CAMTA1: variants seen among roughly 807,000 people sequenced by gnomAD.
The protein encoded by CAMTA1 is calmodulin-binding transcription activator 1.
In CAMTA1, 27 loss-of-function variants were observed where a neutral mutation model predicts 170.9. The ratio of observed to expected loss-of-function variants is 0.16; its 90% CI spans 0.12 to 0.22. The LOEUF (loss-of-function observed/expected upper bound fraction) is 0.22. CAMTA1 is among the 10% of genes least tolerant of loss of function. The probability of loss-of-function intolerance (pLI) is 1.00; values close to 1 mark genes in which losing one functional copy is unlikely to be tolerated. For synonymous variants in CAMTA1, 833 were observed against 891.5 expected (o/e 0.93, Z 1.17); for missense variants, 1,619 against 2,217.2 (o/e 0.73, Z 5.42).
chr1:7,693,106 A>G (rs2096337023), intron 11 of CAMTA1: 2 of 152,386 alleles, frequency 1.3e-5, no homozygotes, highest in Admixed American at 1.3e-4. Flanking sequence ...TGATAAAGAC[A>G]TAGCCAAGAC....
intron 5 of CAMTA1, among the ~76,000 whole-genome samples, chr1:7,361,601 TCC>T (rs1472983140): frequency 1.3e-5 from 2 of 152,204 alleles, no homozygotes; most frequent in African/African-American, 4.8e-5. Context: ...GAGCAACTTT[TCC>T]ACAGTGTGAC....
chr1:7,425,993 A>G (rs953713704), intron 5 of CAMTA1, among the ~76,000 whole-genome samples: 3 of 152,076 alleles, frequency 2.0e-5, no homozygotes, highest in Non-Finnish European at 4.4e-5. Flanking sequence ...GTGCTGAGAA[A>G]AGAGGCTGCA....
At chr1:7,372,687 A>T (rs924454907) in intron 5 of CAMTA1, among the ~76,000 whole-genome samples, 11 of 152,216 alleles carry the variant, frequency 7.2e-5, no homozygotes, top group African/African-American at 2.7e-4. Context: ...CTTTGTGTGT[A>T]GGAGCTAATT....
rs558394916 is a variant in CAMTA1, at chr1:7,216,918, CATA to C, written c.303-32570_303-32568del. Among the ~76,000 whole-genome samples, 36 of 152,288 alleles carry C rather than the reference CATA, an allele frequency of 2.4e-4. No homozygotes were observed. In the South Asian group the frequency reaches 7.3e-3, roughly 31 times the overall value. ...TGTGATTTTTAGCATTAGAAGGTGT[CATA>C]ATGTTGTTTCTTAAATTATACTTAT... On this transcript the variant is annotated intron_variant, in intron 4 of 22. Transcript: ENST00000303635. This position sits in a 1 kb window ranked among gnomAD's most constrained non-coding sequence, Gnocchi z 4.0.
At chr1:7,737,663 A>G (rs920237181) in intron 15 of CAMTA1, 93 bp downstream of exon 15, 3 of 1,221,670 alleles carry the variant, frequency 2.5e-6, no homozygotes, top group African/African-American at 1.5e-5. Flanking sequence ...GGATAGTCAC[A>G]TACATTTCAG....
At chr1:6,811,937 G>A (rs539319622) in intron 1 of CAMTA1, among the ~76,000 whole-genome samples, 2 of 152,330 alleles carry the variant, frequency 1.3e-5, no homozygotes, top group Admixed American at 1.3e-4. Context: ...AGTAGTGATA[G>A]GTGATGGTGG....
chr1:7,466,183 A>T (rs1384505864), intron 5 of CAMTA1, among the ~76,000 whole-genome samples: 1 of 152,234 alleles, frequency 6.6e-6, no homozygotes, highest in South Asian at 2.1e-4. Context: ...TCCTTCGGCA[A>T]GGAGTGAGTT....
At chr1:6,975,880 A>T (rs1420995987) in intron 3 of CAMTA1, among the ~76,000 whole-genome samples, 1 of 152,148 alleles carries the variant, frequency 6.6e-6, no homozygotes, top group African/African-American at 2.4e-5. Flanking sequence ...TATTCTAGAC[A>T]TTTCATGTAA....
chr1:7,050,415 A>T lies in CAMTA1; in HGVS notation c.235-40889A>T, dbSNP rs1373911278. ...TGAGTCCCTGGGGTGCAGGGCCCACACTCTGGCTGCTCATTGCCACTCTGG... is the reference window on the plus strand; with the variant it reads ...TGAGTCCCTGGGGTGCAGGGCCCACTCTCTGGCTGCTCATTGCCACTCTGG... On this transcript the variant is annotated intron_variant, in intron 3 of 22. Coordinates refer to ENST00000303635, the MANE Select transcript of CAMTA1 (RefSeq NM_015215.4). The surrounding 1 kb of genome is among the most constrained non-coding windows in gnomAD (Gnocchi z 4.8). 6.6e-6 allele frequency among the ~76,000 whole-genome samples: 1 copy of T among 151,914 alleles called. No individual in the cohort carries two copies. The highest frequency in any genetic ancestry group is 2.4e-5 in the African/African-American group (1 of 41,344).
rs1466318949 is a variant in CAMTA1 at position 7,609,575 on chromosome 1, C to T, written c.511-30825C>T. 6.6e-6 allele frequency among the ~76,000 whole-genome samples: 1 copy of T among 152,202 alleles called. No homozygotes were observed. The highest frequency in any genetic ancestry group is 1.5e-5 in the Non-Finnish European group (1 of 68,030). On this transcript the variant is annotated intron_variant, in intron 6 of 22. Coordinates refer to ENST00000303635, the MANE Select transcript of CAMTA1 (RefSeq NM_015215.4). This position sits in a 1 kb window ranked among gnomAD's most constrained non-coding sequence, Gnocchi z 4.4. ...GTCCAGCCCTGCAGGAGTGAGCCAGCCTCAGCCAGGCCATGGCACAAAAGG... is the reference window on the plus strand; with the variant it reads ...GTCCAGCCCTGCAGGAGTGAGCCAGTCTCAGCCAGGCCATGGCACAAAAGG...
chr1:7,457,540 C>T (rs950447063), intron 5 of CAMTA1, among the ~76,000 whole-genome samples: 9 of 152,206 alleles, frequency 5.9e-5, no homozygotes, highest in Middle Eastern at 3.4e-3. Context: ...TCAGTGTCCC[C>T]GGGCCAGGCT....
chr1:7,371,181 G>T (rs570822444), intron 5 of CAMTA1, among the ~76,000 whole-genome samples: 1 of 152,006 alleles, frequency 6.6e-6, no homozygotes, highest in South Asian at 2.1e-4. Flanking sequence ...AAAATGTTGG[G>T]ATTACAGGCG....
rs963332588 is a variant in CAMTA1 at position 7,532,556 on chromosome 1, C to T, written c.510+64655C>T. On this transcript the variant is annotated intron_variant, in intron 6 of 22. Transcript: ENST00000303635. The surrounding 1 kb of genome is among the most constrained non-coding windows in gnomAD (Gnocchi z 4.2). The stretch of plus-strand genomic sequence containing the variant: ...GGCTCAATCAATCCTCCCATTTCGG[C>T]CCCCCGAGTTCAGCTTCTTTCTTTA... Among the ~76,000 whole-genome samples, 2 of 152,162 alleles carry T rather than the reference C, an allele frequency of 1.3e-5. No homozygotes were observed. Among genetic ancestry groups the T allele is most frequent in the Non-Finnish European group, 2.9e-5 (2 of 68,032 alleles).
chr1:7,407,412 T>C (rs1200176642), intron 5 of CAMTA1, among the ~76,000 whole-genome samples: 2 of 152,170 alleles, frequency 1.3e-5, no homozygotes, highest in African/African-American at 4.8e-5. Flanking sequence ...GGAAGGGCCC[T>C]GCTCTGTGGG....
chr1:6,839,667 T>C (rs754722991), intron 3 of CAMTA1, among the ~76,000 whole-genome samples: 1 of 152,100 alleles, frequency 6.6e-6, no homozygotes, highest in Non-Finnish European at 1.5e-5. Flanking sequence ...AGGCCTTTCT[T>C]AGGAAGTTAT....
At chr1:7,160,464 G>A (rs1047021506) in intron 4 of CAMTA1, among the ~76,000 whole-genome samples, 7 of 151,856 alleles carry the variant, frequency 4.6e-5, no homozygotes, top group Admixed American at 4.6e-4. Flanking sequence ...TGGACACTCT[G>A]AGCCCCGTTT....
intron 5 of CAMTA1, among the ~76,000 whole-genome samples, chr1:7,317,508 C>T (rs868069543): frequency 6.6e-6 from 1 of 152,262 alleles, no homozygotes; most frequent in African/African-American, 2.4e-5. Flanking sequence ...ACACTGCTTA[C>T]AAGTTTGCTC....
intron 4 of CAMTA1, among the ~76,000 whole-genome samples, chr1:7,167,860 C>T (rs982173663): frequency 1.3e-5 from 2 of 152,044 alleles, no homozygotes; most frequent in African/African-American, 2.4e-5. Flanking sequence ...GTGATCCTCC[C>T]ACCTCAGCCT....
Position 7,744,959 on chromosome 1 carries a change from C to T in CAMTA1, c.4307C>T (p.Thr1436Ile). The T allele has an allele frequency of 6.2e-7, 1 of 1,614,172 alleles. No individual in the cohort carries two copies. Residue 1436 changes from threonine (T) to isoleucine (I), a missense_variant, in exon 17 of 23, where the codon ACA (threonine) becomes ATA (isoleucine). Physicochemically the swap from Thr to Ile is moderately conservative, Grantham distance 89. Transcript: ENST00000303635. ...ACAGACCCTGCCACCATTAGCAGTACAATGAGCTGGCTGGCCAGTTATCTA... is the reference window on the plus strand; with the variant it reads ...ACAGACCCTGCCACCATTAGCAGTATAATGAGCTGGCTGGCCAGTTATCTA... Reference protein sequence around the residue: ...ERTDPATISSTMSWLASYLAD... With the variant: ...ERTDPATISSIMSWLASYLAD...
Sources: allele counts gnomAD v4.1 joint callset (sites outside exome capture counted in the v4.1 genomes callset), GRCh38; gene constraint gnomAD v4.1.1; non-coding constraint Gnocchi (gnomAD v3.1); transcripts MANE v1.5; gene names NCBI Gene and HGNC (gene_info 2026-07-23, HGNC 2026-07-21).